The following PDE10A variants were observed in gnomAD, a reference collection of about 807,000 sequenced individuals.
PDE10A encodes phosphodiesterase 10A.
PDE10A carries 39 observed loss-of-function variants against 97.7 expected under a neutral mutation model. That is an observed-to-expected ratio of 0.40 (90% CI 0.31 to 0.52). The LOEUF (loss-of-function observed/expected upper bound fraction) is 0.52, where lower values mean the gene tolerates loss of function less well. Among genes scored for constraint, PDE10A ranks in the 20% least tolerant of loss-of-function variants. The pLI is 0.56. For missense variants in PDE10A, 731 were observed against 1,047.8 expected, an observed-to-expected ratio of 0.70 and a Z score of 4.17; for synonymous variants, 371 against 376.8, an observed-to-expected ratio of 0.98 and a Z score of 0.18.
intron 19 of PDE10A, among the ~76,000 whole-genome samples, chr6:165,341,361 C>A (rs1781957072): frequency 6.6e-6 from 1 of 152,200 alleles, no homozygotes. Flanking sequence ...AATCCTGCAC[C>A]TTCCTTTTAC....
intron 1 of PDE10A, among the ~76,000 whole-genome samples, chr6:165,833,943 G>A (rs537614928): frequency 1.5e-4 from 23 of 152,338 alleles, no homozygotes; most frequent in Admixed American, 1.1e-3. Flanking sequence ...ATTCACAGCA[G>A]TCTGCCTAGA....
intron 1 of PDE10A, among the ~76,000 whole-genome samples, chr6:165,712,619 T>G (rs1342960280): frequency 6.7e-6 from 1 of 148,674 alleles, no homozygotes; most frequent in Non-Finnish European, 1.5e-5. Flanking sequence ...GAGGAACGTT[T>G]CAACTTTCTT....
intron 12 of PDE10A, among the ~76,000 whole-genome samples, 187 bp downstream of exon 12, chr6:165,416,002 T>G (rs1788283884): frequency 6.6e-6 from 1 of 152,236 alleles, no homozygotes; most frequent in Non-Finnish European, 1.5e-5. Context: ...ATTAGTGGAT[T>G]AGAATCCATC....
At chr6:165,774,852 G>GT (rs1393703741) in intron 1 of PDE10A, 1 of 69,284 alleles carries the variant, frequency 1.4e-5, no homozygotes, top group Non-Finnish European at 3.0e-5. Context: ...TTTTTTTTTA[G>GT]TTTTTTGTTT....
intron 21 of PDE10A, 121 bp downstream of exon 21, chr6:165,336,002 A>C: frequency 1.2e-6 from 1 of 808,946 alleles, no homozygotes; most frequent in Non-Finnish European, 2.1e-6. Flanking sequence ...GTCCCTGAGC[A>C]CAACAACTCG....
At chr6:165,770,838 C>T (rs543437503) in intron 1 of PDE10A, among the ~76,000 whole-genome samples, 19 of 152,356 alleles carry the variant, frequency 1.2e-4, no homozygotes, top group South Asian at 1.2e-3. Context: ...CACTTGGAGG[C>T]TTCGCTGGCC....
chr6:165,475,645 T>C (rs1562502087), intron 3 of PDE10A, among the ~76,000 whole-genome samples: 1 of 152,176 alleles, frequency 6.6e-6, no homozygotes, highest in African/African-American at 2.4e-5. Flanking sequence ...CCATTTAATA[T>C]GCTGAGAGTT....
chr6:165,394,976 G>T (rs1786039129), intron 15 of PDE10A, among the ~76,000 whole-genome samples: 1 of 152,126 alleles, frequency 6.6e-6, no homozygotes, highest in African/African-American at 2.4e-5. Flanking sequence ...TGTTGCTAGA[G>T]CCCCTACAGA....
chr6:165,944,046 C>T (rs1274817434), intron 1 of PDE10A, among the ~76,000 whole-genome samples: 1 of 152,198 alleles, frequency 6.6e-6, no homozygotes, highest in African/African-American at 2.4e-5. Flanking sequence ...GAGGAAGCCT[C>T]AGGAAACCCT....
intron 1 of PDE10A, among the ~76,000 whole-genome samples, chr6:165,618,613 C>T (rs1405725327): frequency 1.3e-5 from 2 of 152,034 alleles, no homozygotes; most frequent in Non-Finnish European, 2.9e-5. Flanking sequence ...GTTCAGGGCC[C>T]CCCAGAAAAA....
chr6:165,975,755 G>A (rs1784827720), intron 1 of PDE10A, among the ~76,000 whole-genome samples: 2 of 152,170 alleles, frequency 1.3e-5, no homozygotes, highest in Admixed American at 6.5e-5. Flanking sequence ...TGGATACTTG[G>A]CACATTTTTG....
chr6:165,686,148 C>T (rs917903314), intron 1 of PDE10A, among the ~76,000 whole-genome samples: 11 of 150,676 alleles, frequency 7.3e-5, no homozygotes, highest in Non-Finnish European at 1.3e-4. Context: ...CACACACACA[C>T]ACACACACAC....
At chr6:165,569,569 A>G (rs919786880) in intron 1 of PDE10A, among the ~76,000 whole-genome samples, 1 of 152,182 alleles carries the variant, frequency 6.6e-6, no homozygotes. Flanking sequence ...ATCTCTGTTT[A>G]CCTTCACAGC....
intron 1 of PDE10A, among the ~76,000 whole-genome samples, chr6:165,855,155 T>A (rs1317022214): frequency 6.6e-6 from 1 of 151,938 alleles, no homozygotes; most frequent in Non-Finnish European, 1.5e-5. Flanking sequence ...CCCAGACCCT[T>A]TCCCGCGGGG....
chr6:165,689,553 C>T (rs1791214819), intron 1 of PDE10A, among the ~76,000 whole-genome samples: 1 of 152,144 alleles, frequency 6.6e-6, no homozygotes, highest in Non-Finnish European at 1.5e-5. Context: ...AGTTCTCGTT[C>T]TGTTAGTTCA....
chr6:165,710,197 G>A (rs1791859792), intron 1 of PDE10A, among the ~76,000 whole-genome samples: 1 of 152,170 alleles, frequency 6.6e-6, no homozygotes, highest in African/African-American at 2.4e-5. Flanking sequence ...ACTCTCTGAA[G>A]CTACAGCGAA....
At chr6:165,679,326 T>C (rs529483066) in intron 1 of PDE10A, among the ~76,000 whole-genome samples, 2 of 152,360 alleles carry the variant, frequency 1.3e-5, no homozygotes, top group East Asian at 1.9e-4. Context: ...TATGCTACAA[T>C]GGATACTGGC....
chr6:165,907,675 A>T (rs79774627), intron 1 of PDE10A, among the ~76,000 whole-genome samples: 7,822 of 152,302 alleles, frequency 0.051, 288 homozygotes, highest in Middle Eastern at 0.13. Context: ...AGAAGGAGGA[A>T]TAAAGCACCC....
chr6:165,474,487 G>A (rs923260260), intron 3 of PDE10A, among the ~76,000 whole-genome samples: 28 of 151,966 alleles, frequency 1.8e-4, no homozygotes, highest in Non-Finnish European at 3.2e-4. Flanking sequence ...CTTCCAGTTC[G>A]AATTTGTAGT....
Sources: allele counts gnomAD v4.1 joint callset (sites outside exome capture counted in the v4.1 genomes callset), GRCh38; gene constraint gnomAD v4.1.1; transcripts MANE v1.5; gene names NCBI Gene and HGNC (gene_info 2026-07-23, HGNC 2026-07-21).